The following PRLR variants were observed in gnomAD, a reference collection of about 807,000 sequenced individuals.
PRLR encodes the protein hPRL receptor.
In PRLR, 13 loss-of-function variants were observed where a neutral mutation model predicts 40.2. The observed-to-expected ratio is 0.32, with a 90% CI of 0.21 to 0.51. The LOEUF (loss-of-function observed/expected upper bound fraction) is 0.51, where lower values mean the gene tolerates loss of function less well. Ranked by LOEUF, PRLR falls within the 20% of genes least tolerant of loss-of-function variation. PRLR has a pLI of 0.97. For missense variants in PRLR, 656 were observed against 747.3 expected (o/e 0.88, Z 1.42); for synonymous variants, 269 against 278.7 (o/e 0.97, Z 0.35).
At chr5:35,207,096 G>GT (rs1776042337) in intron 1 of PRLR, among the ~76,000 whole-genome samples, 1 of 152,030 alleles carries the variant, frequency 6.6e-6, no homozygotes, top group Admixed American at 6.6e-5. Context: ...AAAATGTTAT[G>GT]TAAGAGGTGT....
chr5:35,097,986 TTAGA>T (rs964754583), intron 2 of PRLR, among the ~76,000 whole-genome samples: 2 of 152,190 alleles, frequency 1.3e-5, no homozygotes, highest in Non-Finnish European at 2.9e-5. Context: ...TATTTAGAAC[TTAGA>T]TAGAGGCATT....
At chr5:35,067,239 G>A (rs1769435652) in intron 9 of PRLR, among the ~76,000 whole-genome samples, 1 of 152,078 alleles carries the variant, frequency 6.6e-6, no homozygotes, top group Admixed American at 6.5e-5. Context: ...GAGGATTAGA[G>A]GTAATATCAT....
intron 1 of PRLR, among the ~76,000 whole-genome samples, chr5:35,229,143 T>TAA (rs954821398): frequency 1.3e-5 from 2 of 148,360 alleles, no homozygotes; most frequent in Non-Finnish European, 3.0e-5. Flanking sequence ...TATATATATA[T>TAA]AATTAATTAA....
At chr5:35,133,834 T>C (rs1247429047) in intron 1 of PRLR, among the ~76,000 whole-genome samples, 1 of 152,230 alleles carries the variant, frequency 6.6e-6, no homozygotes, top group African/African-American at 2.4e-5. Context: ...CAAGTGGTCA[T>C]GAGAATGTGC....
chr5:35,089,996 T>A (rs373033457), intron 2 of PRLR, among the ~76,000 whole-genome samples: 133 of 152,298 alleles, frequency 8.7e-4, no homozygotes, highest in African/African-American at 3.1e-3. Flanking sequence ...ATATCATCCA[T>A]CTTATGTAAC....
At chr5:35,077,705 T>C (rs1770209942) in intron 5 of PRLR, among the ~76,000 whole-genome samples, 1 of 152,216 alleles carries the variant, frequency 6.6e-6, no homozygotes, top group Non-Finnish European at 1.5e-5. Context: ...CAAGCGGACC[T>C]AATAGACATC....
chr5:35,110,327 A>G (rs991373420), intron 2 of PRLR, among the ~76,000 whole-genome samples: 3 of 152,076 alleles, frequency 2.0e-5, no homozygotes, highest in African/African-American at 7.3e-5. Context: ...ACAAACCTGC[A>G]TGTTGTGCAC....
chr5:35,222,425 G>C (rs1436167933), intron 1 of PRLR, among the ~76,000 whole-genome samples: 1 of 152,162 alleles, frequency 6.6e-6, no homozygotes, highest in African/African-American at 2.4e-5. Flanking sequence ...CAGAACAGCC[G>C]TAAAGTGTGG....
chr5:35,158,545 A>C (rs1774576961), intron 1 of PRLR, among the ~76,000 whole-genome samples: 1 of 152,058 alleles, frequency 6.6e-6, no homozygotes. Context: ...CTTACTCCCC[A>C]TGATTCGAGT....
At chr5:35,077,605 G>A (rs973791202) in intron 5 of PRLR, among the ~76,000 whole-genome samples, 6 of 152,012 alleles carry the variant, frequency 3.9e-5, no homozygotes, top group African/African-American at 1.5e-4. Flanking sequence ...AATAATAATG[G>A]GAGACTTTAA....
At chr5:35,186,069 A>G (rs1561354256) in intron 1 of PRLR, among the ~76,000 whole-genome samples, 2 of 152,160 alleles carry the variant, frequency 1.3e-5, no homozygotes, top group Non-Finnish European at 2.9e-5. Context: ...GGGATGTACC[A>G]CATAGACCCT....
At chr5:35,210,416 T>C (rs1430759884) in intron 1 of PRLR, among the ~76,000 whole-genome samples, 2 of 152,230 alleles carry the variant, frequency 1.3e-5, no homozygotes, top group Non-Finnish European at 2.9e-5. Flanking sequence ...TATATTTTAA[T>C]GTGAACTTCT....
chr5:35,160,096 C>G lies in PRLR; in HGVS notation c.-105-41974G>C, dbSNP rs112712621. Among the ~76,000 whole-genome samples the G allele has an allele frequency of 9.4e-3, 1,429 of 152,316 alleles. 20 individuals are homozygous for G. Among genetic ancestry groups the G allele is most frequent in the Middle Eastern group, 0.014 (4 of 294 alleles). On this transcript the variant is annotated intron_variant, in intron 1 of 9. Coordinates refer to ENST00000618457, the MANE Select transcript of PRLR (RefSeq NM_000949.7). ...CTCTCATGGGCTCAGATGTGTTACT[C>G]TATAACAGAGGCAGGCAAACTACTG...
intron 1 of PRLR, among the ~76,000 whole-genome samples, chr5:35,134,821 G>A (rs1489919491): frequency 6.6e-6 from 1 of 152,162 alleles, no homozygotes; most frequent in Non-Finnish European, 1.5e-5. Flanking sequence ...AAAAACTACG[G>A]CTGTTTGGCT....
At chr5:35,178,176 A>G (rs1775199579) in intron 1 of PRLR, among the ~76,000 whole-genome samples, 1 of 152,042 alleles carries the variant, frequency 6.6e-6, no homozygotes, top group Admixed American at 6.6e-5. Flanking sequence ...TCTTTTTATT[A>G]TTGCAAGCTT....
At chr5:35,055,441 G>C (rs577672678), downstream of PRLR, among the ~76,000 whole-genome samples, 218 of 152,014 alleles carry the variant, frequency 1.4e-3, 1 homozygote, top group African/African-American at 5.2e-3. Flanking sequence ...AGAATTAGTA[G>C]GAAAATAAAC....
intron 1 of PRLR, among the ~76,000 whole-genome samples, chr5:35,127,830 T>A (rs1333270490): frequency 6.6e-6 from 1 of 151,882 alleles, no homozygotes; most frequent in African/African-American, 2.4e-5. Context: ...GGTGGATGAG[T>A]GGTTGCCAGG....
At chr5:35,111,316 C>A (rs145195401) in intron 2 of PRLR, among the ~76,000 whole-genome samples, 1 of 152,138 alleles carries the variant, frequency 6.6e-6, no homozygotes, top group Non-Finnish European at 1.5e-5. Context: ...TTATTTAATT[C>A]TCTTCCCAAC....
At chr5:35,084,970 G>C (rs1015240864) in intron 4 of PRLR, among the ~76,000 whole-genome samples, 1 of 152,152 alleles carries the variant, frequency 6.6e-6, no homozygotes, top group Admixed American at 6.5e-5. Flanking sequence ...CCATACCCAG[G>C]TCATGCCCAT....
Sources: allele counts gnomAD v4.1 joint callset (sites outside exome capture counted in the v4.1 genomes callset), GRCh38; gene constraint gnomAD v4.1.1; transcripts MANE v1.5; gene names NCBI Gene and HGNC (gene_info 2026-07-23, HGNC 2026-07-21).